TRIM24: variants seen among roughly 807,000 people sequenced by gnomAD.
The protein encoded by TRIM24 is transcription intermediary factor 1-alpha.
Under a neutral mutation model 123.9 loss-of-function variants are expected in TRIM24, and 29 were observed. The observed-to-expected ratio is 0.23, with a 90% CI of 0.17 to 0.32. The LOEUF (loss-of-function observed/expected upper bound fraction) is 0.32. Ranked by LOEUF, TRIM24 falls within the 10% of genes least tolerant of loss-of-function variation. The pLI, the probability that TRIM24 is intolerant of heterozygous loss-of-function variation, is 1.00. For missense variants in TRIM24, 932 were observed against 1,295.3 expected (o/e 0.72, Z 4.31); for synonymous variants, 456 against 461.1 (o/e 0.99, Z 0.14).
intron 16 of TRIM24, 30 bp downstream of exon 16, chr7:138,580,724 T>C (rs762988525): frequency 1.1e-5 from 17 of 1,604,360 alleles, no homozygotes; most frequent in Non-Finnish European, 9.4e-6. Context: ...CATTATTGTA[T>C]TGTAGTGCAA....
chr7:138,517,497 A>G lies in TRIM24; in HGVS notation c.632-1692A>G, dbSNP rs185695537. 4.6e-5 allele frequency among the ~76,000 whole-genome samples: 7 copies of G among 152,164 alleles called. No homozygotes were observed. The South Asian group carries it at 8.3e-4, about 18-fold the overall frequency. ...GCGATTCTCCTACTTCAACCTCCCA[A>G]GTAGCTGGGATTATGTAATCCCTGT... On this transcript the variant is annotated intron_variant, in intron 3 of 18. Coordinates refer to ENST00000343526, the MANE Select transcript of TRIM24 (RefSeq NM_015905.3).
At chr7:138,463,989 C>CATTTTTTTTTTTTTTTTT (rs1554429651) in intron 1 of TRIM24, among the ~76,000 whole-genome samples, 19 of 50,764 alleles carry the variant, frequency 3.7e-4, no homozygotes, top group African/African-American at 1.2e-3. Flanking sequence ...AAAATTTAGA[C>CATTTTTTTTTTTTTTTTT]TTTTTTTTTT....
At chr7:138,490,993 T>C (rs576661446) in intron 1 of TRIM24, 133 of 257,268 alleles carry the variant, frequency 5.2e-4, no homozygotes, top group African/African-American at 2.6e-3. Flanking sequence ...GTAGTCTTGA[T>C]GTCAACATGA....
At chr7:138,504,447 C>CTTTTT (rs750956455) in intron 2 of TRIM24, 39 bp downstream of exon 2, 102 of 155,152 alleles carry the variant, frequency 6.6e-4, no homozygotes, top group South Asian at 1.9e-3. Context: ...CCTGCCAGCT[C>CTTTTT]TTTTTTTTTT....
intron 1 of TRIM24, among the ~76,000 whole-genome samples, chr7:138,468,893 G>A (rs1795209490): frequency 6.6e-6 from 1 of 152,104 alleles, no homozygotes; most frequent in Non-Finnish European, 1.5e-5. Context: ...GAATCTCTCT[G>A]GCTCCTTTGC....
At chr7:138,491,018 G>T (rs10155993) in intron 1 of TRIM24, 5 of 234,882 alleles carry the variant, frequency 2.1e-5, no homozygotes, top group Non-Finnish European at 4.2e-5. Context: ...CAATCATGGT[G>T]TGCCATTTTT....
chr7:138,525,977 G>C (rs940215161), intron 5 of TRIM24, among the ~76,000 whole-genome samples: 2 of 152,240 alleles, frequency 1.3e-5, no homozygotes, highest in East Asian at 3.9e-4. Context: ...GGCAGCTGGA[G>C]GTGTTGTCTA....
At chr7:138,529,764 C>A (rs1796690299) in intron 6 of TRIM24, among the ~76,000 whole-genome samples, 1 of 152,162 alleles carries the variant, frequency 6.6e-6, no homozygotes, top group African/African-American at 2.4e-5. Context: ...CCATCTTCCT[C>A]AGCTTTTTAA....
At chr7:138,535,448 C>T (rs1307599486) in intron 6 of TRIM24, among the ~76,000 whole-genome samples, 3 of 152,002 alleles carry the variant, frequency 2.0e-5, no homozygotes, top group Non-Finnish European at 4.4e-5. Context: ...TTGTCTATAA[C>T]GGATTTTATT....
intron 4 of TRIM24, among the ~76,000 whole-genome samples, chr7:138,521,373 T>C (rs1796501228): frequency 6.6e-6 from 1 of 152,092 alleles, no homozygotes; most frequent in Non-Finnish European, 1.5e-5. Flanking sequence ...ATGCATAGTC[T>C]AGGAAGAGGG....
intron 15 of TRIM24, 77 bp downstream of exon 15, chr7:138,579,609 A>AACTT (rs1188559765): frequency 1.6e-6 from 2 of 1,288,254 alleles, no homozygotes; most frequent in Non-Finnish European, 2.1e-6. Context: ...CCTTTGAAAA[A>AACTT]ACTTAAATGA....
intron 2 of TRIM24, among the ~76,000 whole-genome samples, chr7:138,508,623 T>G (rs1229912276): frequency 6.6e-6 from 1 of 151,808 alleles, no homozygotes; most frequent in African/African-American, 2.4e-5. Flanking sequence ...GAGCAGTAAG[T>G]TAATTTCTTA....
chr7:138,580,196 G>A (rs926824333), intron 15 of TRIM24, among the ~76,000 whole-genome samples: 2 of 152,096 alleles, frequency 1.3e-5, no homozygotes, highest in African/African-American at 4.8e-5. Flanking sequence ...ATAAACTTAA[G>A]AGTAACAAGA....
rs544787472 is a variant in TRIM24, at chr7:138,583,651, AG to A, written c.2794-198del. The stretch of plus-strand genomic sequence containing the variant: ...AATAATTGGTTAAACTTTTGGAAAA[AG>A]TCACACAAACCTTTACCAGTGTGTG... On this transcript the variant is annotated intron_variant, in intron 17 of 18. Transcript: ENST00000343526. Among the ~76,000 whole-genome samples, 24 of 152,306 alleles carry A rather than the reference AG, an allele frequency of 1.6e-4. No individual in the cohort carries two copies. The South Asian group carries it at 2.7e-3, about 17-fold the overall frequency.
At chr7:138,538,202 ACT>A (rs760645081) in intron 6 of TRIM24, among the ~76,000 whole-genome samples, 1 of 152,178 alleles carries the variant, frequency 6.6e-6, no homozygotes, top group Non-Finnish European at 1.5e-5. Flanking sequence ...ACACAGCATG[ACT>A]CTGTTTTGCA....
Position 138,466,463 on chromosome 7 carries a change from C to CTTTTTTTT in TRIM24, c.364+5562_364+5569dup, listed in dbSNP as rs577317171. ...TTTGCAAATTTCAAAACTTAAGTTG[C>CTTTTTTTT]TTTTTTTTTTTTTTTTTTGGAGACA... is the stretch of plus-strand genomic sequence containing the variant. On this transcript the variant is annotated intron_variant, in intron 1 of 18. Coordinates refer to ENST00000343526, the MANE Select transcript of TRIM24 (RefSeq NM_015905.3). Among the ~76,000 whole-genome samples, 622 of 74,014 alleles carry CTTTTTTTT rather than the reference C, an allele frequency of 8.4e-3. 135 individuals carry two copies. Among genetic ancestry groups the CTTTTTTTT allele is most frequent in the South Asian group, 0.026 (54 of 2,098 alleles). The allele number at this position is 74,014 out of a possible 152,430, so 48.6% of individuals were successfully genotyped here. A position where few individuals can be genotyped will look rare whatever the true frequency, so the allele number is the denominator to read the frequency against.
intron 9 of TRIM24, among the ~76,000 whole-genome samples, chr7:138,557,720 T>C (rs1797343892): frequency 6.6e-6 from 1 of 152,234 alleles, no homozygotes; most frequent in Admixed American, 6.5e-5. Flanking sequence ...ATACCCCACC[T>C]TCCTGGGCTA....
rs545477531 is a variant in TRIM24, at chr7:138,537,301, G to A, written c.997-1356G>A. On this transcript the variant is annotated intron_variant, in intron 6 of 18. Coordinates refer to ENST00000343526, the MANE Select transcript of TRIM24 (RefSeq NM_015905.3). ...AATGCAGAAATCACCCATCTTCTGC[G>A]TCACTCACGCTGGGAGCTGTAGACT... 7.4e-4 allele frequency among the ~76,000 whole-genome samples: 110 copies of A among 149,140 alleles called. 1 individual carries two copies. The highest frequency in any genetic ancestry group is 5.7e-3 in the South Asian group (27 of 4,738).
intron 5 of TRIM24, among the ~76,000 whole-genome samples, chr7:138,527,282 T>A (rs1174541324): frequency 2.0e-5 from 3 of 152,248 alleles, no homozygotes; most frequent in African/African-American, 7.2e-5. Flanking sequence ...TGATTTGTGC[T>A]TTTTTTCTTC....
Sources: gnomAD v4.1 joint callset for allele counts (sites outside exome capture counted in the v4.1 genomes callset) on GRCh38, gnomAD v4.1.1 for gene constraint, MANE v1.5 for transcripts, NCBI Gene and HGNC (gene_info 2026-07-23, HGNC 2026-07-21) for gene names.